ZFHX3: variants seen among roughly 807,000 people sequenced by gnomAD.
ZFHX3 encodes the protein zinc finger homeobox 3.
In ZFHX3, 42 loss-of-function variants were observed where a neutral mutation model predicts 279.1. The observed-to-expected ratio is 0.15, with a 90% CI of 0.12 to 0.19. The LOEUF (loss-of-function observed/expected upper bound fraction) is 0.19. Ranked by LOEUF, ZFHX3 falls within the 10% of genes least tolerant of loss-of-function variation. The probability of loss-of-function intolerance (pLI) is 1.00; values close to 1 mark genes in which losing one functional copy is unlikely to be tolerated. For synonymous variants in ZFHX3, 2,293 were observed against 1,957.8 expected (o/e 1.17, Z -4.52); for missense variants, 4,981 against 4,754.0 (o/e 1.05, Z -1.40).
chr16:73,796,790 G>A (rs575789276), intron 1 of ZFHX3, among the ~76,000 whole-genome samples: 1 of 152,280 alleles, frequency 6.6e-6, no homozygotes, highest in Admixed American at 6.5e-5. Flanking sequence ...CCCAAAACTG[G>A]CTCACAGCTT....
In ZFHX3 at chr16:72,919,777, C is replaced by CTTTTTTTTTT. The variant is rs532405250; in HGVS notation, c.3217-29825_3217-29816dup. On this transcript the variant is annotated intron_variant, in intron 3 of 9. Transcript: ENST00000268489. ...CAACTAAAACATGTATATGCACCAT[C>CTTTTTTTTTT]TTTTTTTTTTTTTTTTTTTTTTTTT... Among the ~76,000 whole-genome samples the CTTTTTTTTTT allele has an allele frequency of 2.9e-3, 122 of 42,292 alleles. 34 individuals are homozygous for CTTTTTTTTTT. Among genetic ancestry groups the CTTTTTTTTTT allele is most frequent in the African/African-American group, 6.5e-3 (62 of 9,516 alleles). 27.7% of individuals were successfully genotyped at this position (42,292 alleles called of 152,430 possible).
intron 5 of ZFHX3, among the ~76,000 whole-genome samples, chr16:73,187,567 T>A (rs983392514): frequency 6.6e-6 from 1 of 152,214 alleles, no homozygotes; most frequent in Non-Finnish European, 1.5e-5. Context: ...CAGAAGTGAA[T>A]GTGCTGCTGG....
At chr16:73,870,698 C>G (rs991463795) in intron 1 of ZFHX3, among the ~76,000 whole-genome samples, 1 of 152,156 alleles carries the variant, frequency 6.6e-6, no homozygotes, top group Admixed American at 6.5e-5. Flanking sequence ...AAATTAAGTT[C>G]AAAGTCAATT....
intron 1 of ZFHX3, among the ~76,000 whole-genome samples, chr16:73,024,426 C>T (rs2144658837): frequency 6.6e-6 from 1 of 152,264 alleles, no homozygotes; most frequent in South Asian, 2.1e-4. Context: ...CAGGAGGCAC[C>T]ACCCATGAAG....
At chr16:73,284,359 C>CCTGAATCCA (rs1378546638) in intron 4 of ZFHX3, among the ~76,000 whole-genome samples, 7 of 150,406 alleles carry the variant, frequency 4.7e-5, no homozygotes, top group African/African-American at 1.7e-4. Flanking sequence ...TAAATATGAT[C>CCTGAATCCA]CTGAATCCAC....
In ZFHX3 at chr16:73,771,756, G is replaced by T. The variant is rs940563982; in HGVS notation, c.-1607-91516C>A. Among the ~76,000 whole-genome samples, 4 of 138,706 alleles carry T rather than the reference G, an allele frequency of 2.9e-5. No individual in the cohort carries two copies. The East Asian group carries it at 5.9e-4, about 21-fold the overall frequency. 91.0% of individuals were successfully genotyped at this position (138,706 alleles called of 152,430 possible). ...ACTGTCCAGTCCTTATTGCCTTAAA[G>T]AATTTTTTTTTTTTTTTTTACTAAT... On this transcript the variant is annotated intron_variant, in intron 1 of 17. Transcript: ENST00000641206.
intron 1 of ZFHX3, among the ~76,000 whole-genome samples, chr16:73,026,494 A>T (rs1057472496): frequency 2.6e-5 from 4 of 151,886 alleles, no homozygotes; most frequent in African/African-American, 9.7e-5. Flanking sequence ...CAACATGGTG[A>T]AACCCTGTCT....
intron 2 of ZFHX3, among the ~76,000 whole-genome samples, chr16:73,660,554 T>C (rs2052770841): frequency 6.6e-6 from 1 of 152,184 alleles, no homozygotes; most frequent in South Asian, 2.1e-4. Context: ...ATATAAACAT[T>C]AAAGATTTTT....
At chr16:73,557,094 CAAAAAAA>C (rs397766441) in intron 2 of ZFHX3, among the ~76,000 whole-genome samples, 80 of 68,550 alleles carry the variant, frequency 1.2e-3, no homozygotes, top group Non-Finnish European at 1.8e-3. Flanking sequence ...GACTCCGTCT[CAAAAAAA>C]AAAAAAAAAA....
At chr16:73,073,760 A>AAGTGCTGGGATTAC (rs1175722920) in intron 8 of ZFHX3, among the ~76,000 whole-genome samples, 2 of 152,154 alleles carry the variant, frequency 1.3e-5, no homozygotes, top group East Asian at 3.9e-4. Flanking sequence ...CGGCCTCCCA[A>AAGTGCTGGGATTAC]AGTGCTGGGA....
chr16:73,382,307 G>A (rs143468995), intron 3 of ZFHX3, among the ~76,000 whole-genome samples: 59 of 152,258 alleles, frequency 3.9e-4, no homozygotes, highest in Admixed American at 2.0e-4. Flanking sequence ...TTTATACGAC[G>A]AAGATGTTAT....
chr16:73,572,551 G>A lies in ZFHX3; in HGVS notation c.-1547+107629C>T, dbSNP rs547837116. ...AAGCTGTCTTGAGCCTCCCCTCTCC[G>A]TAGGTCTAATGTTGCTTGGTCCACA... On this transcript the variant is annotated intron_variant, in intron 2 of 17. Transcript: ENST00000641206. Among the ~76,000 whole-genome samples the A allele has an allele frequency of 2.0e-3, 307 of 152,292 alleles. 4 individuals are homozygous for A. The highest frequency in any genetic ancestry group is 2.9e-3 in the Admixed American group (44 of 15,300).
intron 1 of ZFHX3, among the ~76,000 whole-genome samples, chr16:73,758,821 T>C (rs954550606): frequency 1.3e-5 from 2 of 152,238 alleles, no homozygotes; most frequent in Non-Finnish European, 2.9e-5. Context: ...CCTCGCACTT[T>C]GAGTTCTATA....
chr16:73,454,971 A>C (rs141437507), intron 3 of ZFHX3, among the ~76,000 whole-genome samples: 174 of 152,264 alleles, frequency 1.1e-3, no homozygotes, highest in African/African-American at 3.7e-3. Context: ...AGTTCAGACC[A>C]AATGAGAATG....
intron 4 of ZFHX3, among the ~76,000 whole-genome samples, chr16:72,845,649 C>G (rs1186771353): frequency 6.6e-6 from 1 of 152,228 alleles, no homozygotes; most frequent in African/African-American, 2.4e-5. Context: ...GACCGCAAAG[C>G]ATCTGTGACC....
chr16:73,159,239 T>C (rs1389163065), intron 5 of ZFHX3, among the ~76,000 whole-genome samples: 5 of 152,190 alleles, frequency 3.3e-5, no homozygotes, highest in Admixed American at 6.5e-5. Flanking sequence ...ATTTACAAGA[T>C]AATTACCACT....
At chr16:73,635,644 T>C (rs559172027) in intron 2 of ZFHX3, among the ~76,000 whole-genome samples, 6 of 152,298 alleles carry the variant, frequency 3.9e-5, no homozygotes, top group African/African-American at 1.2e-4. Context: ...AAAGCTAACC[T>C]CTCACCCTGT....
intron 1 of ZFHX3, among the ~76,000 whole-genome samples, chr16:73,767,571 T>A (rs983815657): frequency 6.6e-5 from 10 of 152,182 alleles, no homozygotes; most frequent in African/African-American, 1.4e-4. Flanking sequence ...ACAAGATATA[T>A]AATAGATGGT....
intron 4 of ZFHX3, among the ~76,000 whole-genome samples, chr16:72,838,445 C>T (rs1219555421): frequency 6.6e-6 from 1 of 152,146 alleles, no homozygotes; most frequent in Admixed American, 6.5e-5. Flanking sequence ...TTTACTTTAC[C>T]TCACCTCCAA....
Sources: allele counts gnomAD v4.1 joint callset (sites outside exome capture counted in the v4.1 genomes callset), GRCh38; gene constraint gnomAD v4.1.1; transcripts MANE v1.5; gene names NCBI Gene and HGNC (gene_info 2026-07-23, HGNC 2026-07-21).